The following TMPRSS11D variants were observed in gnomAD, a reference collection of about 807,000 sequenced individuals.
TMPRSS11D encodes the protein transmembrane serine protease 11D.
TMPRSS11D carries 32 observed loss-of-function variants against 44.4 expected under a neutral mutation model. The observed-to-expected ratio is 0.72, with a 90% CI of 0.54 to 0.97. TMPRSS11D has a LOEUF of 0.97. Among genes scored for constraint, TMPRSS11D ranks in the 50% least tolerant of loss-of-function variants. The pLI is 0.00. For missense variants in TMPRSS11D, 446 were observed against 502.6 expected (o/e 0.89, Z 1.08); for synonymous variants, 179 against 177.9 (o/e 1.01, Z -0.05).
chr4:67,864,151 C>G (rs1012859977), intron 1 of TMPRSS11D, among the ~76,000 whole-genome samples: 1 of 151,940 alleles, frequency 6.6e-6, no homozygotes, highest in African/African-American at 2.4e-5. Flanking sequence ...GAAAAAAGCG[C>G]ATTTCTTTAA....
chr4:67,866,827 T>C (rs1314182577), intron 1 of TMPRSS11D, among the ~76,000 whole-genome samples: 2 of 151,538 alleles, frequency 1.3e-5, no homozygotes, highest in African/African-American at 2.4e-5. Flanking sequence ...ATAAAAGAAA[T>C]GGAGATGATA....
chr4:67,861,634 AAT>A (rs368836818), intron 1 of TMPRSS11D, among the ~76,000 whole-genome samples: 14 of 152,258 alleles, frequency 9.2e-5, no homozygotes, highest in Non-Finnish European at 1.6e-4. Context: ...GGCTAGAGTC[AAT>A]ATGTGCTTTA....
chr4:67,830,160 C>T (rs1030722189), intron 7 of TMPRSS11D, among the ~76,000 whole-genome samples: 1 of 151,942 alleles, frequency 6.6e-6, no homozygotes, highest in African/African-American at 2.4e-5. Flanking sequence ...CAATATTAGA[C>T]TTTTACACAA....
At chr4:67,837,384 G>A (rs535928958) in intron 5 of TMPRSS11D, among the ~76,000 whole-genome samples, 4 of 152,152 alleles carry the variant, frequency 2.6e-5, no homozygotes, top group South Asian at 4.2e-4. Flanking sequence ...GAAACATCTC[G>A]GAAGACAACT....
At chr4:67,839,467 A>G (rs1169112408) in intron 4 of TMPRSS11D, among the ~76,000 whole-genome samples, 2 of 152,294 alleles carry the variant, frequency 1.3e-5, no homozygotes, top group South Asian at 2.1e-4. Context: ...CTGGAAGACC[A>G]AAAACAAAGA....
intron 1 of TMPRSS11D, among the ~76,000 whole-genome samples, chr4:67,874,242 C>T (rs1325691825): frequency 2.6e-5 from 4 of 152,032 alleles, no homozygotes; most frequent in Admixed American, 6.6e-5. Flanking sequence ...AGGACAAAAT[C>T]GCCTAACGAT....
chr4:67,828,061 T>TGC (rs1560536675), intron 7 of TMPRSS11D, among the ~76,000 whole-genome samples: 3 of 6,862 alleles, frequency 4.4e-4, no homozygotes, highest in South Asian at 5.6e-3. Flanking sequence ...TGTGTGTGCA[T>TGC]ATATATACAT....
chr4:67,877,568 A>C (rs559576558), intron 1 of TMPRSS11D, among the ~76,000 whole-genome samples: 229 of 152,290 alleles, frequency 1.5e-3, no homozygotes, highest in African/African-American at 5.1e-3. Flanking sequence ...AGCATTTGCA[A>C]AGCTGAATTG....
At chr4:67,855,358 A>G (rs1226109715) in intron 2 of TMPRSS11D, among the ~76,000 whole-genome samples, 1 of 152,192 alleles carries the variant, frequency 6.6e-6, no homozygotes, top group Non-Finnish European at 1.5e-5. Context: ...CAAAAAGATA[A>G]TATACCACAA....
chr4:67,838,190 G>A lies in TMPRSS11D; in HGVS notation c.457C>T (p.Pro153Ser), dbSNP rs1718144965. ...LNNSGNLEIN[P>S]STEITSLTDQ... is the part of the protein sequence containing the mutation. ...TACTTACATGTTATCTCAGTTGAAG[G>A]GTTTATTTCCAGGTTTCCAGAGTTA... Residue 153 changes from proline (P) to serine (S), a missense_variant, in exon 5 of 10, where the codon CCT becomes TCT. Physicochemically the swap from Pro to Ser is moderately conservative, Grantham distance 74. Coordinates refer to ENST00000283916, the MANE Select transcript of TMPRSS11D (RefSeq NM_004262.3). 6.4e-7 allele frequency: 1 copy of A among 1,565,662 alleles called. No homozygotes were observed. Among genetic ancestry groups the A allele is most frequent in the South Asian group, 1.2e-5 (1 of 81,814 alleles).
rs1717893125 is a variant in TMPRSS11D at position 67,829,514 on chromosome 4, CA to C, written c.693-1995del. On this transcript the variant is annotated intron_variant, in intron 7 of 9. Transcript: ENST00000283916. ...GGACTTTTTGGCTAAACAACAAAAACACAAACTAAAAGGTAAAAATAGAATG... is the reference window on the plus strand; with the variant it reads ...GGACTTTTTGGCTAAACAACAAAAACCAAACTAAAAGGTAAAAATAGAATG... Among the ~76,000 whole-genome samples, 5 of 148,286 alleles carry C rather than the reference CA, an allele frequency of 3.4e-5. No homozygotes were observed. The South Asian group carries it at 1.1e-3, about 31-fold the overall frequency.
At chr4:67,875,410 C>A (rs1015715543) in intron 1 of TMPRSS11D, among the ~76,000 whole-genome samples, 1 of 152,284 alleles carries the variant, frequency 6.6e-6, no homozygotes, top group East Asian at 1.9e-4. Flanking sequence ...TCTCCATCCT[C>A]CCTTCTTAAC....
At chr4:67,840,660 A>G (rs1191520609) in intron 4 of TMPRSS11D, among the ~76,000 whole-genome samples, 2 of 152,210 alleles carry the variant, frequency 1.3e-5, no homozygotes, top group African/African-American at 4.8e-5. Context: ...AAAAATAACT[A>G]AAAGAATATA....
At position 67,865,103 on chromosome 4, in the gene TMPRSS11D, T is replaced by A. The variant is rs953952117; in HGVS notation, c.9-5425A>T. 2.6e-5 allele frequency among the ~76,000 whole-genome samples: 4 copies of A among 151,758 alleles called. No individual in the cohort carries two copies. In the East Asian group the frequency reaches 7.7e-4, roughly 29 times the overall value. ...TACATGGAACATTCTCCAAGATAGATCATATATTAGGCCACAAAACAAGTC... is the reference window on the plus strand; with the variant it reads ...TACATGGAACATTCTCCAAGATAGAACATATATTAGGCCACAAAACAAGTC... On this transcript the variant is annotated intron_variant, in intron 1 of 9. Transcript: ENST00000283916.
rs774698432 is a variant in TMPRSS11D at position 67,838,151 on chromosome 4, T to A, written c.475+21A>T. 1.1e-5 allele frequency: 16 copies of A among 1,480,884 alleles called. No homozygotes were observed. In the Admixed American group the frequency reaches 4.0e-4, roughly 37 times the overall value. 91.7% of individuals were successfully genotyped at this position (1,480,884 alleles called of 1,614,324 possible). On this transcript the variant is annotated intron_variant, in intron 5 of 9. Coordinates refer to ENST00000283916, the MANE Select transcript of TMPRSS11D (RefSeq NM_004262.3). ...TGAGGGATATATTGAAATAAAATTG[T>A]TTATGAAAAATTATACTTACATGTT...
intron 1 of TMPRSS11D, 68 bp downstream of exon 1, chr4:67,883,858 T>A: frequency 7.3e-7 from 1 of 1,369,554 alleles, no homozygotes; most frequent in South Asian, 1.4e-5. Flanking sequence ...CTAAGCTTCT[T>A]TATATTTTTC....
At chr4:67,851,832 G>A (rs1020506868) in intron 3 of TMPRSS11D, among the ~76,000 whole-genome samples, 5 of 152,204 alleles carry the variant, frequency 3.3e-5, no homozygotes, top group African/African-American at 1.2e-4. Flanking sequence ...CCATTGCCAA[G>A]TTCTGTGGAT....
intron 1 of TMPRSS11D, among the ~76,000 whole-genome samples, chr4:67,870,406 C>T (rs148288169): frequency 1.3e-5 from 2 of 152,320 alleles, no homozygotes; most frequent in African/African-American, 2.4e-5. Flanking sequence ...CTTGCTCTTC[C>T]GTCTGCCTGG....
chr4:67,880,026 A>G (rs1180599199), intron 1 of TMPRSS11D, among the ~76,000 whole-genome samples: 4 of 152,210 alleles, frequency 2.6e-5, no homozygotes, highest in Admixed American at 6.5e-5. Context: ...CATTTATATG[A>G]CTTTCAAAGG....
Sources: allele counts gnomAD v4.1 joint callset (sites outside exome capture counted in the v4.1 genomes callset), GRCh38; gene constraint gnomAD v4.1.1; transcripts MANE v1.5; gene names NCBI Gene and HGNC (gene_info 2026-07-23, HGNC 2026-07-21).